MAP3K5: variants seen among roughly 807,000 people sequenced by gnomAD.
The protein encoded by MAP3K5 is mitogen-activated protein kinase kinase kinase 5.
In MAP3K5, 56 loss-of-function variants were observed where a neutral mutation model predicts 158.7. That is an observed-to-expected ratio of 0.35 (90% CI 0.28 to 0.44). MAP3K5 has a LOEUF of 0.44. Among genes scored for constraint, MAP3K5 ranks in the 20% least tolerant of loss-of-function variants. The probability of loss-of-function intolerance (pLI) is 1.00; values close to 1 mark genes in which losing one functional copy is unlikely to be tolerated. For missense variants in MAP3K5, 1,294 were observed against 1,674.8 expected (o/e 0.77, Z 3.97); for synonymous variants, 579 against 601.7 (o/e 0.96, Z 0.55).
chr6:136,642,091 A>T (rs893827647), intron 12 of MAP3K5, among the ~76,000 whole-genome samples: 4 of 145,498 alleles, frequency 2.7e-5, no homozygotes, highest in South Asian at 2.1e-4. Context: ...AAAATAAAAT[A>T]AAATTAGTGG....
chr6:136,684,039 C>G (rs1005313328), intron 7 of MAP3K5, among the ~76,000 whole-genome samples: 1 of 151,928 alleles, frequency 6.6e-6, no homozygotes, highest in African/African-American at 2.4e-5. Flanking sequence ...TGAGACTAGC[C>G]TGGGCCACAT....
chr6:136,617,041 A>C (rs1024478315), intron 15 of MAP3K5, among the ~76,000 whole-genome samples: 3 of 151,842 alleles, frequency 2.0e-5, no homozygotes, highest in African/African-American at 7.3e-5. Flanking sequence ...TAATCAAAAG[A>C]CTCCCACCTC....
chr6:136,606,215 G>C (rs1229595373), intron 18 of MAP3K5, among the ~76,000 whole-genome samples: 1 of 152,154 alleles, frequency 6.6e-6, no homozygotes, highest in Non-Finnish European at 1.5e-5. Context: ...GCCGGGCTTG[G>C]TGGCGGGCAC....
chr6:136,732,411 C>A (rs1782267538), intron 1 of MAP3K5, among the ~76,000 whole-genome samples: 1 of 152,014 alleles, frequency 6.6e-6, no homozygotes, highest in African/African-American at 2.4e-5. Context: ...GGTGACAGAG[C>A]GAGGCTCCGT....
At chr6:136,656,116 C>T in intron 10 of MAP3K5, 191 bp downstream of exon 10, 1 of 553,334 alleles carries the variant, frequency 1.8e-6, no homozygotes, top group South Asian at 2.2e-5. Context: ...AAATAGATCT[C>T]ATTTCTCTGA....
At chr6:136,573,107 G>A (rs746589527) in intron 25 of MAP3K5, among the ~76,000 whole-genome samples, 1 of 152,160 alleles carries the variant, frequency 6.6e-6, no homozygotes. Context: ...GGGTGAGGGT[G>A]TTTCCAGAAG....
chr6:136,606,732 T>G (rs1776117494), intron 18 of MAP3K5, among the ~76,000 whole-genome samples: 2 of 152,242 alleles, frequency 1.3e-5, no homozygotes, highest in Admixed American at 1.3e-4. Flanking sequence ...CCAAAAGAAC[T>G]GCTTCAGATT....
chr6:136,619,340 A>G (rs901254252), intron 15 of MAP3K5, among the ~76,000 whole-genome samples: 1 of 152,234 alleles, frequency 6.6e-6, no homozygotes, highest in African/African-American at 2.4e-5. Flanking sequence ...TGTGATTCAA[A>G]GTAAGGGTTC....
chr6:136,645,987 A>G (rs1163125879), intron 11 of MAP3K5, among the ~76,000 whole-genome samples: 1 of 152,188 alleles, frequency 6.6e-6, no homozygotes, highest in Non-Finnish European at 1.5e-5. Context: ...TGTTATTTAT[A>G]GTTGTTTTAA....
intron 1 of MAP3K5, among the ~76,000 whole-genome samples, chr6:136,760,984 A>G (rs996716004): frequency 6.6e-6 from 1 of 152,218 alleles, no homozygotes; most frequent in African/African-American, 2.4e-5. Flanking sequence ...AAAACGAAAC[A>G]AAACAAAAAA....
At chr6:136,641,241 G>A (rs574761559) in intron 12 of MAP3K5, among the ~76,000 whole-genome samples, 2 of 152,140 alleles carry the variant, frequency 1.3e-5, no homozygotes, top group Non-Finnish European at 2.9e-5. Flanking sequence ...TGAGGTAACA[G>A]GTAGCTTTAC....
chr6:136,727,765 C>A (rs926425563), intron 1 of MAP3K5, among the ~76,000 whole-genome samples: 1 of 151,838 alleles, frequency 6.6e-6, no homozygotes. Flanking sequence ...TCGAGACCAT[C>A]CTGGCTAACA....
At chr6:136,722,309 T>C (rs987766774) in intron 1 of MAP3K5, among the ~76,000 whole-genome samples, 3 of 152,194 alleles carry the variant, frequency 2.0e-5, no homozygotes, top group Non-Finnish European at 2.9e-5. Context: ...AAAATGTTAA[T>C]ATATAACAAA....
intron 25 of MAP3K5, among the ~76,000 whole-genome samples, chr6:136,571,613 A>G (rs1208168037): frequency 6.6e-6 from 1 of 152,230 alleles, no homozygotes; most frequent in African/African-American, 2.4e-5. Flanking sequence ...ATAATATTCC[A>G]TTATATGTAT....
chr6:136,613,186 A>G lies in MAP3K5; in HGVS notation c.2349T>C (p.Tyr783=), dbSNP rs1189694776. ...TTAATCCTTCCAGTATTTGCTTTGT[A>G]TAAAAGCCAATTGTTTGCTCATTGT... The part of the protein sequence containing the change: ...LKDNEQTIGF[Y]TKQILEGLKY... Residue 783 remains tyrosine (Y), a synonymous_variant, in exon 17 of 30, where the codon TAT becomes TAC. Transcript: ENST00000359015. The surrounding 1 kb of genome is among the most constrained non-coding windows in gnomAD (Gnocchi z 4.0). 1.2e-6 allele frequency: 2 copies of G among 1,613,426 alleles called. No individual in the cohort carries two copies. Among genetic ancestry groups the G allele is most frequent in the South Asian group, 1.1e-5 (1 of 90,976 alleles).
At chr6:136,687,892 C>A (rs1228882805) in intron 7 of MAP3K5, among the ~76,000 whole-genome samples, 1 of 152,152 alleles carries the variant, frequency 6.6e-6, no homozygotes, top group Admixed American at 6.5e-5. Context: ...ACCAGAAATA[C>A]CGTTTGACCC....
rs1238252095 is a variant in MAP3K5, at chr6:136,557,812, C to A, written c.4071G>T (p.Gly1357=). ...DDLKCLRLRG[G]MLCTLWKAII... is the part of the protein sequence containing the mutation. ...TAGCCTTCCACAGTGTGCACAGCAT[C>A]CCTCCCCTGTTTAAAGACACAAGAA... The change falls in exon 30 of 30, where the codon GGG becomes GGT. Residue 1357 remains glycine, a synonymous_variant. Coordinates refer to ENST00000359015, the MANE Select transcript of MAP3K5 (RefSeq NM_005923.4). 5.6e-6 allele frequency: 9 copies of A among 1,608,498 alleles called. No individual in the cohort carries two copies. Among genetic ancestry groups the A allele is most frequent in the East Asian group, 2.2e-5 (1 of 44,858 alleles).
intron 11 of MAP3K5, 125 bp downstream of exon 11, chr6:136,650,859 A>T (rs1778488314): frequency 1.9e-6 from 1 of 538,224 alleles, no homozygotes; most frequent in East Asian, 3.1e-5. Context: ...ATTTATGCCA[A>T]GACAGACACA....
At chr6:136,744,886 A>C (rs1193813374) in intron 1 of MAP3K5, among the ~76,000 whole-genome samples, 1 of 152,232 alleles carries the variant, frequency 6.6e-6, no homozygotes, top group African/African-American at 2.4e-5. Context: ...AATAAGACTA[A>C]GAACCACAGA....
Sources: allele counts gnomAD v4.1 joint callset (sites outside exome capture counted in the v4.1 genomes callset), GRCh38; gene constraint gnomAD v4.1.1; non-coding constraint Gnocchi (gnomAD v3.1); transcripts MANE v1.5; gene names NCBI Gene and HGNC (gene_info 2026-07-23, HGNC 2026-07-21).